KCTD3: variants seen among roughly 807,000 people sequenced by gnomAD.
KCTD3 encodes the protein potassium channel tetramerization domain containing 3, also known as BTB/POZ domain-containing protein KCTD3.
In KCTD3, 41 loss-of-function variants were observed where a neutral mutation model predicts 85.8. That is an observed-to-expected ratio of 0.48 (90% CI 0.37 to 0.62). KCTD3 has a LOEUF of 0.62. KCTD3 is among the 20% of genes least tolerant of loss of function. The pLI, the probability that KCTD3 is intolerant of heterozygous loss-of-function variation, is 0.00. For synonymous variants in KCTD3, 338 were observed against 345.4 expected (o/e 0.98, Z 0.24); for missense variants, 724 against 989.9 (o/e 0.73, Z 3.60).
At chr1:215,575,847 A>T in intron 3 of KCTD3, 54 bp from the exon 4 acceptor site, 1 of 991,358 alleles carries the variant, frequency 1.0e-6, no homozygotes, top group Non-Finnish European at 1.5e-6. Context: ...TACAGATATT[A>T]AAGTTAAAAG....
At chr1:215,590,418 G>A (rs1458416693) in intron 9 of KCTD3, among the ~76,000 whole-genome samples, 1 of 152,140 alleles carries the variant, frequency 6.6e-6, no homozygotes. Context: ...AGGGAGGCCT[G>A]TACCTGTCTC....
chr1:215,578,815 TTTG>T (rs1353365465), intron 6 of KCTD3, among the ~76,000 whole-genome samples, 182 bp from the exon 7 acceptor site: 1 of 152,224 alleles, frequency 6.6e-6, no homozygotes, highest in African/African-American at 2.4e-5. Context: ...TGTCTTTGTC[TTTG>T]TTTTTTTCAT....
At chr1:215,601,811 A>G (rs1040484946) in intron 10 of KCTD3, 56 bp from the exon 11 acceptor site, 2 of 1,057,880 alleles carry the variant, frequency 1.9e-6, no homozygotes, top group South Asian at 2.9e-5. Context: ...GAAATTGACC[A>G]GAAAATAGAA....
chr1:215,568,027 G>C lies in KCTD3; in HGVS notation c.83+259G>C, dbSNP rs141935194. 4.3e-3 allele frequency among the ~76,000 whole-genome samples: 652 copies of C among 152,306 alleles called. 4 individuals are homozygous for C. The highest frequency in any genetic ancestry group is 4.1e-3 in the Admixed American group (63 of 15,310). On this transcript the variant is annotated intron_variant, in intron 1 of 17. Coordinates refer to ENST00000259154, the MANE Select transcript of KCTD3 (RefSeq NM_016121.5). ...ATGTGGCAGAGTAGCTGCTGTCCTA[G>C]AATGCCAACCTTTGCCCCTCCCAAC...
intron 9 of KCTD3, among the ~76,000 whole-genome samples, chr1:215,588,138 A>G (rs942861785): frequency 5.3e-5 from 8 of 152,124 alleles, no homozygotes; most frequent in Admixed American, 2.6e-4. Flanking sequence ...TTTTTTGAGG[A>G]TAGTTCTGCC....
chr1:215,617,793 G>GTA (rs1207299614), intron 15 of KCTD3, among the ~76,000 whole-genome samples: 2 of 145,184 alleles, frequency 1.4e-5, no homozygotes, highest in Non-Finnish European at 1.5e-5. Flanking sequence ...TATATATAAT[G>GTA]TATATATATA....
chr1:215,579,198 A>G, intron 7 of KCTD3, 61 bp downstream of exon 7: 1 of 1,396,062 alleles, frequency 7.2e-7, no homozygotes, highest in Non-Finnish European at 9.9e-7. Flanking sequence ...GCTGGGTGAT[A>G]TTGAGTAATT....
chr1:215,600,714 A>C, intron 10 of KCTD3, among the ~76,000 whole-genome samples: 1 of 152,220 alleles, frequency 6.6e-6, no homozygotes, highest in East Asian at 1.9e-4. Flanking sequence ...AATGAAAGCC[A>C]GGTATAGTAT....
chr1:215,602,885 AAGAAATATTCAAG>A (rs1654887620), intron 12 of KCTD3, among the ~76,000 whole-genome samples: 1 of 152,216 alleles, frequency 6.6e-6, no homozygotes, highest in African/African-American at 2.4e-5. Flanking sequence ...TTTAGTATGA[AAGAAATATTCAAG>A]AGTATACCTA....
At chr1:215,619,414 CATT>C (rs1473673832) in intron 17 of KCTD3, 123 bp downstream of exon 17, 7 of 822,410 alleles carry the variant, frequency 8.5e-6, no homozygotes, top group Non-Finnish European at 1.3e-5. Context: ...TAAATTCAGA[CATT>C]ATGTTAACTT....
At chr1:215,606,557 A>G (rs1655028503) in intron 13 of KCTD3, among the ~76,000 whole-genome samples, 1 of 152,092 alleles carries the variant, frequency 6.6e-6, no homozygotes, top group Non-Finnish European at 1.5e-5. Context: ...TGTTTAGATG[A>G]TAATGTATAG....
At chr1:215,581,925 A>C (rs571051620) in intron 8 of KCTD3, among the ~76,000 whole-genome samples, 1 of 152,362 alleles carries the variant, frequency 6.6e-6, no homozygotes, top group African/African-American at 2.4e-5. Context: ...AACCTTTAAA[A>C]AAAGAGTAGT....
intron 9 of KCTD3, among the ~76,000 whole-genome samples, chr1:215,595,130 T>C (rs567227681): frequency 7.0e-4 from 107 of 152,342 alleles, no homozygotes; most frequent in African/African-American, 2.5e-3. Context: ...TAAGGTGTTA[T>C]ACAGCAGTAT....
chr1:215,586,276 G>A (rs184025577), intron 8 of KCTD3, among the ~76,000 whole-genome samples: 1 of 152,226 alleles, frequency 6.6e-6, no homozygotes, highest in Admixed American at 6.5e-5. Context: ...GTCGTTATAT[G>A]TGCTATGTAT....
rs1659193517 is a variant in KCTD3 at position 215,567,779 on chromosome 1, G to A, written c.83+11G>A. ...CGTAGGGGGGACCAGGTGAGTCGGC[G>A]GGTAGCGGGCTTGCAGCGGGGATGC... On this transcript the variant is annotated intron_variant, in intron 1 of 17. Coordinates refer to ENST00000259154, the MANE Select transcript of KCTD3 (RefSeq NM_016121.5). 3 of 1,241,772 alleles carry A rather than the reference G, an allele frequency of 2.4e-6. No homozygotes were observed. In the South Asian group the frequency reaches 1.2e-4, roughly 51 times the overall value. The allele number at this position is 1,241,772 out of a possible 1,614,324, so 76.9% of individuals were successfully genotyped here.
Position 215,620,441 on chromosome 1 carries a change from A to G in KCTD3, c.2271A>G (p.Gly757=), listed in dbSNP as rs2102612749. ...NENKIEFRKK[G]GFEGGGFLGR... is the part of the protein sequence containing the mutation. ...ATAAAATAGAGTTTAGGAAGAAAGG[A>G]GGATTTGAAGGGGGAGGATTCCTTG... The change falls in exon 18 of 18, where the codon GGA becomes GGG. Residue 757 remains glycine (G), a synonymous_variant. Coordinates refer to ENST00000259154, the MANE Select transcript of KCTD3 (RefSeq NM_016121.5). 1 of 1,613,688 alleles carries G rather than the reference A, an allele frequency of 6.2e-7. No homozygotes were observed. The highest frequency in any genetic ancestry group is 8.5e-7 in the Non-Finnish European group (1 of 1,179,724).
intron 12 of KCTD3, 51 bp downstream of exon 12, chr1:215,602,252 A>G (rs758621435): frequency 6.6e-6 from 6 of 911,050 alleles, no homozygotes; most frequent in Non-Finnish European, 1.0e-5. Flanking sequence ...CTTTTTATTC[A>G]TTAGTTTATT....
intron 8 of KCTD3, among the ~76,000 whole-genome samples, chr1:215,584,541 C>T (rs1659940629): frequency 6.6e-6 from 1 of 152,068 alleles, no homozygotes; most frequent in South Asian, 2.1e-4. Context: ...AAGTTTCTTT[C>T]CTTTTGAGGT....
chr1:215,602,885 A>T (rs1007275883), intron 12 of KCTD3, among the ~76,000 whole-genome samples: 1 of 152,216 alleles, frequency 6.6e-6, no homozygotes, highest in Admixed American at 6.5e-5. Context: ...TTTAGTATGA[A>T]AGAAATATTC....
Sources: gnomAD v4.1 joint callset for allele counts (sites outside exome capture counted in the v4.1 genomes callset) on GRCh38, gnomAD v4.1.1 for gene constraint, MANE v1.5 for transcripts, NCBI Gene and HGNC (gene_info 2026-07-23, HGNC 2026-07-21) for gene names.